Variants in AK4 observed in about 807,000 individuals in gnomAD.
AK4 encodes the protein adenylate kinase 4, mitochondrial.
AK4 carries 13 observed loss-of-function variants against 24.6 expected under a neutral mutation model. The ratio of observed to expected loss-of-function variants is 0.53; its 90% CI spans 0.34 to 0.84. The LOEUF (loss-of-function observed/expected upper bound fraction) is 0.84. AK4 is among the 40% of genes least tolerant of loss of function. The pLI, the probability that AK4 is intolerant of heterozygous loss-of-function variation, is 0.01. For synonymous variants in AK4, 88 were observed against 107.0 expected (o/e 0.82, Z 1.10); for missense variants, 192 against 288.2 (o/e 0.67, Z 2.42).
At chr1:65,182,596 T>TGA (rs1184273425) in intron 1 of AK4, among the ~76,000 whole-genome samples, 2 of 152,218 alleles carry the variant, frequency 1.3e-5, no homozygotes, top group East Asian at 3.8e-4. Context: ...GATTTGATCC[T>TGA]GAGAGACTTT....
At chr1:65,197,456 A>T (rs558095456) in intron 2 of AK4, among the ~76,000 whole-genome samples, 1 of 152,216 alleles carries the variant, frequency 6.6e-6, no homozygotes, top group South Asian at 2.1e-4. Context: ...GGTAATAATG[A>T]TAACCTTTAG....
intron 2 of AK4, among the ~76,000 whole-genome samples, chr1:65,216,049 A>G (rs1652119465): frequency 6.6e-6 from 1 of 152,304 alleles, no homozygotes; most frequent in African/African-American, 2.4e-5. Flanking sequence ...TACATTTATC[A>G]GTGAGAAGGT....
At chr1:65,184,937 A>G (rs1210664932) in intron 1 of AK4, among the ~76,000 whole-genome samples, 1 of 152,218 alleles carries the variant, frequency 6.6e-6, no homozygotes, top group African/African-American at 2.4e-5. Context: ...AGAAGAGCCA[A>G]AGCTGGCAGG....
chr1:65,161,144 C>T (rs556711545), intron 1 of AK4, among the ~76,000 whole-genome samples: 1 of 151,964 alleles, frequency 6.6e-6, no homozygotes, highest in Non-Finnish European at 1.5e-5. Context: ...TTCCTCCTCC[C>T]ATGATCAAAA....
At chr1:65,174,658 G>A (rs555139797) in intron 1 of AK4, among the ~76,000 whole-genome samples, 5 of 152,148 alleles carry the variant, frequency 3.3e-5, no homozygotes, top group Non-Finnish European at 7.3e-5. Context: ...AAAGAATTAC[G>A]GTGTGAGAGA....
chr1:65,200,748 G>A (rs1454827940), intron 2 of AK4, among the ~76,000 whole-genome samples: 1 of 151,924 alleles, frequency 6.6e-6, no homozygotes, highest in Non-Finnish European at 1.5e-5. Context: ...AAGAGACTAG[G>A]TGGGGCCTGG....
intron 1 of AK4, among the ~76,000 whole-genome samples, chr1:65,150,579 G>C (rs1336666781): frequency 2.6e-5 from 4 of 152,082 alleles, no homozygotes; most frequent in Non-Finnish European, 5.9e-5. Flanking sequence ...GAATCTTATA[G>C]GCTTACTGCC....
chr1:65,205,515 G>A (rs1362843376), intron 2 of AK4, among the ~76,000 whole-genome samples: 2 of 152,166 alleles, frequency 1.3e-5, no homozygotes, highest in East Asian at 1.9e-4. Flanking sequence ...ATTTACAGGC[G>A]TGAGCCACTA....
intron 1 of AK4, chr1:65,154,483 G>T (rs985776970): frequency 1.1e-5 from 6 of 522,308 alleles, no homozygotes; most frequent in African/African-American, 9.6e-5. Flanking sequence ...CAGCAAGATG[G>T]GTCACCAGCA....
chr1:65,184,533 G>A (rs536897257), intron 1 of AK4, among the ~76,000 whole-genome samples: 110 of 152,292 alleles, frequency 7.2e-4, no homozygotes, highest in African/African-American at 2.2e-3. Context: ...AATTATTTGT[G>A]TGTGTGATGT....
intron 1 of AK4, among the ~76,000 whole-genome samples, 195 bp downstream of exon 1, chr1:65,148,747 G>C (rs968834233): frequency 1.5e-5 from 2 of 133,780 alleles, no homozygotes; most frequent in Admixed American, 1.9e-4. Context: ...GAGGCTCCAG[G>C]GGCGGCCGGT....
At chr1:65,184,772 G>T (rs1164166417) in intron 1 of AK4, among the ~76,000 whole-genome samples, 1 of 152,182 alleles carries the variant, frequency 6.6e-6, no homozygotes, top group Non-Finnish European at 1.5e-5. Flanking sequence ...ATTGTAGTTT[G>T]CTGTTGTCAT....
At chr1:65,155,113 G>A (rs1172019358) in intron 1 of AK4, among the ~76,000 whole-genome samples, 1 of 151,820 alleles carries the variant, frequency 6.6e-6, no homozygotes, top group Admixed American at 6.6e-5. Flanking sequence ...GCCTCCCAAA[G>A]TGCTGGGATT....
At chr1:65,177,213 T>A (rs1215929041) in intron 1 of AK4, among the ~76,000 whole-genome samples, 1 of 146,800 alleles carries the variant, frequency 6.8e-6, no homozygotes, top group Admixed American at 6.8e-5. Flanking sequence ...GTATTCCATA[T>A]GAGGTCTCTT....
In AK4 at chr1:65,177,725, T is replaced by TA. The variant is rs563203237; in HGVS notation, c.146-12983dup. ...TTGTTGGGAACAGACCCTTCCTTGT[T>TA]AAGAGATCAGGCTTGGGATCCAAAC... On this transcript the variant is annotated intron_variant, in intron 1 of 4. Coordinates refer to ENST00000327299, the MANE Select transcript of AK4 (RefSeq NM_013410.4). Among the ~76,000 whole-genome samples the TA allele has an allele frequency of 2.8e-3, 426 of 152,272 alleles. 1 individual carries two copies. The highest frequency in any genetic ancestry group is 5.1e-3 in the Non-Finnish European group (349 of 68,020).
intron 1 of AK4, among the ~76,000 whole-genome samples, chr1:65,150,677 C>T (rs775052946): frequency 6.6e-6 from 1 of 152,178 alleles, no homozygotes; most frequent in Non-Finnish European, 1.5e-5. Flanking sequence ...GTGGGAAACA[C>T]AACCACCCTT....
chr1:65,155,644 CTT>C (rs11340935), intron 1 of AK4, among the ~76,000 whole-genome samples: 112 of 144,892 alleles, frequency 7.7e-4, no homozygotes, highest in Middle Eastern at 3.5e-3. Flanking sequence ...ACTGCTAATA[CTT>C]TTTTTTTTTT....
chr1:65,192,956 A>G (rs539134550), intron 2 of AK4, among the ~76,000 whole-genome samples: 4 of 152,336 alleles, frequency 2.6e-5, no homozygotes, highest in African/African-American at 9.6e-5. Context: ...TGCTGGGTTC[A>G]ATCCACTCAG....
At chr1:65,170,322 C>T (rs1440548028) in intron 1 of AK4, among the ~76,000 whole-genome samples, 2 of 152,126 alleles carry the variant, frequency 1.3e-5, no homozygotes, top group East Asian at 1.9e-4. Flanking sequence ...GAGCCGAGAT[C>T]GCGCCACTGC....
Sources: allele counts gnomAD v4.1 joint callset (sites outside exome capture counted in the v4.1 genomes callset), GRCh38; gene constraint gnomAD v4.1.1; transcripts MANE v1.5; gene names NCBI Gene and HGNC (gene_info 2026-07-23, HGNC 2026-07-21).